MPP7: variants seen among roughly 807,000 people sequenced by gnomAD.
MPP7 encodes MAGUK p55 scaffold protein 7, also known as MAGUK p55 subfamily member 7.
MPP7 carries 60 observed loss-of-function variants against 76.5 expected under a neutral mutation model. The ratio of observed to expected loss-of-function variants is 0.78; its 90% CI spans 0.64 to 0.97. The LOEUF (loss-of-function observed/expected upper bound fraction) is 0.97, where lower values mean the gene tolerates loss of function less well. Among genes scored for constraint, MPP7 ranks in the 50% least tolerant of loss-of-function variants. The pLI, the probability that MPP7 is intolerant of heterozygous loss-of-function variation, is 0.00. For synonymous variants in MPP7, 237 were observed against 244.5 expected (o/e 0.97, Z 0.29); for missense variants, 641 against 694.0 (o/e 0.92, Z 0.86).
intron 3 of MPP7, among the ~76,000 whole-genome samples, chr10:28,199,697 C>T (rs537154623): frequency 6.6e-6 from 1 of 152,202 alleles, no homozygotes; most frequent in South Asian, 2.1e-4. Context: ...GCCTTGACCT[C>T]CCGGGCTCAT....
In MPP7 at chr10:28,214,688, G is replaced by A. The variant is rs141731648; in HGVS notation, c.38-12417C>T. Among the ~76,000 whole-genome samples, 10 of 152,258 alleles carry A rather than the reference G, an allele frequency of 6.6e-5. No individual in the cohort carries two copies. In the East Asian group the frequency reaches 1.9e-3, roughly 29 times the overall value. On this transcript the variant is annotated intron_variant, in intron 2 of 16. Transcript: ENST00000683449. Reference sequence around the variant, plus strand: ...CCATCTTGTTTCTAACCTTTAAGCTGTCCTTGTTTGTTCTTGGGCATAGGC... The same window carrying A: ...CCATCTTGTTTCTAACCTTTAAGCTATCCTTGTTTGTTCTTGGGCATAGGC...
At chr10:28,254,417 T>C (rs1274570914) in intron 1 of MPP7, among the ~76,000 whole-genome samples, 1 of 152,202 alleles carries the variant, frequency 6.6e-6, no homozygotes. Flanking sequence ...CTGAAACCTC[T>C]GGGCTCCTGC....
intron 12 of MPP7, among the ~76,000 whole-genome samples, chr10:28,070,222 C>T (rs1852176623): frequency 6.6e-6 from 1 of 151,956 alleles, no homozygotes; most frequent in African/African-American, 2.4e-5. Context: ...ACGGTGAAAC[C>T]CCACCTCTAC....
intron 2 of MPP7, among the ~76,000 whole-genome samples, chr10:28,212,042 G>T (rs972596691): frequency 2.6e-5 from 4 of 152,034 alleles, no homozygotes; most frequent in Admixed American, 6.5e-5. Context: ...GAGCCCAGGA[G>T]ATCTAGGCTG....
At chr10:28,313,473 T>A (rs1465037048) in intron 2 of MPP7, among the ~76,000 whole-genome samples, 2 of 151,650 alleles carry the variant, frequency 1.3e-5, no homozygotes, top group Non-Finnish European at 2.9e-5. Flanking sequence ...ACCACTGCAC[T>A]CCAGACTGGG....
At chr10:28,328,173 A>T (rs1834436190) in intron 2 of MPP7, among the ~76,000 whole-genome samples, 2 of 152,206 alleles carry the variant, frequency 1.3e-5, no homozygotes, top group African/African-American at 4.8e-5. Context: ...TGATTTTTTT[A>T]AGAAAAAAAT....
intron 12 of MPP7, among the ~76,000 whole-genome samples, chr10:28,084,668 C>A (rs1719055962): frequency 6.6e-6 from 1 of 152,166 alleles, no homozygotes; most frequent in African/African-American, 2.4e-5. Context: ...TATTGAGAGA[C>A]AATCTCTGAA....
chr10:28,255,970 A>C (rs1209262830), intron 1 of MPP7, among the ~76,000 whole-genome samples: 1 of 152,166 alleles, frequency 6.6e-6, no homozygotes, highest in East Asian at 1.9e-4. Flanking sequence ...AATATACTTC[A>C]TACAAATCAT....
upstream of MPP7, chr10:28,307,682 A>C (rs1304725509): frequency 6.6e-6 from 1 of 152,196 alleles, no homozygotes; most frequent in African/African-American, 2.4e-5. Context: ...CTTTAATTTT[A>C]ATGTAAATGC....
At chr10:28,273,768 C>A (rs1840401864) in intron 1 of MPP7, among the ~76,000 whole-genome samples, 1 of 152,198 alleles carries the variant, frequency 6.6e-6, no homozygotes, top group Admixed American at 6.5e-5. Flanking sequence ...ATTCACTAGA[C>A]CTCCCAGATT....
At chr10:28,065,463 A>G (rs1480243450) in intron 13 of MPP7, among the ~76,000 whole-genome samples, 1 of 152,158 alleles carries the variant, frequency 6.6e-6, no homozygotes, top group Non-Finnish European at 1.5e-5. Flanking sequence ...AACCTCATGA[A>G]CTCATTCACA....
intron 8 of MPP7, among the ~76,000 whole-genome samples, chr10:28,122,070 T>C (rs1834860539): frequency 1.3e-5 from 2 of 152,224 alleles, no homozygotes; most frequent in Admixed American, 6.5e-5. Context: ...GGTAATATCA[T>C]TGCTATTGCT....
intron 3 of MPP7, among the ~76,000 whole-genome samples, chr10:28,182,888 A>C (rs1837104445): frequency 1.3e-5 from 2 of 152,222 alleles, no homozygotes; most frequent in South Asian, 4.1e-4. Context: ...GACCATCCTG[A>C]CCAACATGGA....
intron 12 of MPP7, among the ~76,000 whole-genome samples, chr10:28,073,897 T>C (rs547354271): frequency 8.9e-4 from 135 of 152,274 alleles, no homozygotes; most frequent in African/African-American, 3.0e-3. Context: ...CTTCAGAGCT[T>C]GGCTCAAACA....
intron 6 of MPP7, among the ~76,000 whole-genome samples, chr10:28,131,025 T>A (rs1001098756): frequency 6.6e-6 from 1 of 152,158 alleles, no homozygotes; most frequent in Non-Finnish European, 1.5e-5. Context: ...AAGCTTTTTT[T>A]ATTTTTAAAA....
chr10:28,191,331 T>A (rs1409171022), intron 3 of MPP7, among the ~76,000 whole-genome samples: 1 of 152,108 alleles, frequency 6.6e-6, no homozygotes, highest in South Asian at 2.1e-4. Context: ...GATAAAGACA[T>A]GACAAGGAAG....
intron 2 of MPP7, among the ~76,000 whole-genome samples, chr10:28,215,293 T>C (rs1414847964): frequency 6.8e-6 from 1 of 148,092 alleles, no homozygotes; most frequent in African/African-American, 2.6e-5. Flanking sequence ...CAGTTCTGTC[T>C]AGGCAGTGGG....
intron 1 of MPP7, among the ~76,000 whole-genome samples, chr10:28,294,142 C>T (rs1396362372): frequency 6.6e-6 from 1 of 152,122 alleles, no homozygotes; most frequent in African/African-American, 2.4e-5. Flanking sequence ...CCTGTCTCTA[C>T]TAAAAATACA....
chr10:28,130,645 G>C (rs1001925058), intron 6 of MPP7, among the ~76,000 whole-genome samples: 6 of 152,246 alleles, frequency 3.9e-5, no homozygotes, highest in Admixed American at 3.9e-4. Context: ...TCTTCTCTCT[G>C]TGTGTTTTTC....
Sources: gnomAD v4.1 joint callset for allele counts (sites outside exome capture counted in the v4.1 genomes callset) on GRCh38, gnomAD v4.1.1 for gene constraint, MANE v1.5 for transcripts, NCBI Gene and HGNC (gene_info 2026-07-23, HGNC 2026-07-21) for gene names.